CERT1: variants seen among roughly 807,000 people sequenced by gnomAD.
The protein encoded by CERT1 is ceramide transfer protein.
In CERT1, 31 loss-of-function variants were observed where a neutral mutation model predicts 87.9. That is an observed-to-expected ratio of 0.35 (90% CI 0.27 to 0.48). The LOEUF is 0.48. Ranked by LOEUF, CERT1 falls within the 20% of genes least tolerant of loss-of-function variation. The pLI, the probability that CERT1 is intolerant of heterozygous loss-of-function variation, is 0.99. For missense variants in CERT1, 487 were observed against 758.0 expected (o/e 0.64, Z 4.20); for synonymous variants, 289 against 250.9 (o/e 1.15, Z -1.44).
chr5:75,468,683 A>G (rs145879142), intron 2 of CERT1, among the ~76,000 whole-genome samples: 2 of 152,282 alleles, frequency 1.3e-5, no homozygotes, highest in Admixed American at 1.3e-4. Flanking sequence ...TGGTAACAAC[A>G]GATTCTAGTC....
At chr5:75,410,059 C>T (rs1404381981) in intron 8 of CERT1, among the ~76,000 whole-genome samples, 1 of 152,124 alleles carries the variant, frequency 6.6e-6, no homozygotes, top group Non-Finnish European at 1.5e-5. Context: ...CCTGCCTTGG[C>T]CTCTCAAAGT....
chr5:75,429,564 G>T (rs1052276185), intron 3 of CERT1, among the ~76,000 whole-genome samples: 1 of 152,026 alleles, frequency 6.6e-6, no homozygotes, highest in African/African-American at 2.4e-5. Context: ...TGTGCCTCTA[G>T]TCCCAGCTAC....
At chr5:75,506,579 A>G (rs1767659521) in intron 1 of CERT1, among the ~76,000 whole-genome samples, 1 of 152,212 alleles carries the variant, frequency 6.6e-6, no homozygotes, top group Non-Finnish European at 1.5e-5. Flanking sequence ...ACGGAAGTAT[A>G]AAGTCAATTA....
chr5:75,396,701 C>T (rs1473676510), intron 11 of CERT1, among the ~76,000 whole-genome samples: 2 of 148,586 alleles, frequency 1.3e-5, no homozygotes, highest in Non-Finnish European at 3.0e-5. Context: ...TGCACTCCAG[C>T]CTGGGCAACA....
At chr5:75,471,576 T>C (rs1043701484) in intron 2 of CERT1, among the ~76,000 whole-genome samples, 8 of 151,750 alleles carry the variant, frequency 5.3e-5, no homozygotes, top group African/African-American at 1.9e-4. Context: ...CTGGCCAACA[T>C]GGTGAAACCC....
intron 12 of CERT1, among the ~76,000 whole-genome samples, chr5:75,387,800 G>C (rs1761859919): frequency 6.6e-6 from 1 of 151,860 alleles, no homozygotes; most frequent in African/African-American, 2.4e-5. Flanking sequence ...TACTGTTGTA[G>C]ACAATTGTTA....
chr5:75,412,298 T>A (rs1212125802), intron 7 of CERT1, among the ~76,000 whole-genome samples: 12 of 152,218 alleles, frequency 7.9e-5, no homozygotes, highest in Admixed American at 7.9e-4. Context: ...AGTAATAATC[T>A]TGCTGAATTA....
intron 3 of CERT1, among the ~76,000 whole-genome samples, chr5:75,440,673 G>A (rs116366855): frequency 2.4e-4 from 36 of 152,130 alleles, no homozygotes; most frequent in African/African-American, 8.7e-4. Context: ...TAGTTCCTGT[G>A]TCTTAAGCAA....
At chr5:75,384,751 T>C in intron 13 of CERT1, 39 bp from the exon 14 acceptor site, 2 of 1,290,508 alleles carry the variant, frequency 1.5e-6, no homozygotes, top group Non-Finnish European at 2.2e-6. Flanking sequence ...TATTATCTTT[T>C]CCTAGAATGT....
intron 2 of CERT1, among the ~76,000 whole-genome samples, chr5:75,463,502 A>C (rs1449077762): frequency 6.6e-6 from 1 of 152,198 alleles, no homozygotes; most frequent in Non-Finnish European, 1.5e-5. Flanking sequence ...AAGGTGAATA[A>C]ATCCATGGCA....
At chr5:75,369,352 G>A (rs1457355992) in intron 17 of CERT1, 2 of 152,170 alleles carry the variant, frequency 1.3e-5, no homozygotes, top group Non-Finnish European at 2.9e-5. Flanking sequence ...CCATTGTTAA[G>A]GAACCATGTG....
At chr5:75,440,480 A>G (rs1226516321) in intron 3 of CERT1, among the ~76,000 whole-genome samples, 1 of 152,142 alleles carries the variant, frequency 6.6e-6, no homozygotes, top group Non-Finnish European at 1.5e-5. Context: ...ATCATAATTT[A>G]AAAACTAATA....
chr5:75,500,745 C>G, intron 2 of CERT1, among the ~76,000 whole-genome samples: 1 of 152,122 alleles, frequency 6.6e-6, no homozygotes, highest in Non-Finnish European at 1.5e-5. Context: ...AAAAGGCCTT[C>G]TTCTTGGATT....
intron 3 of CERT1, among the ~76,000 whole-genome samples, chr5:75,428,403 G>A (rs1287249903): frequency 1.3e-5 from 2 of 152,170 alleles, no homozygotes; most frequent in Non-Finnish European, 2.9e-5. Context: ...AGTTGGCCGG[G>A]TGCGGTGGCT....
At chr5:75,408,033 G>C (rs975977237) in intron 8 of CERT1, among the ~76,000 whole-genome samples, 1 of 151,996 alleles carries the variant, frequency 6.6e-6, no homozygotes, top group African/African-American at 2.4e-5. Flanking sequence ...CTGAAACTCT[G>C]TTCCCATTGA....
At chr5:75,436,022 C>T (rs892522359) in intron 3 of CERT1, among the ~76,000 whole-genome samples, 55 of 152,050 alleles carry the variant, frequency 3.6e-4, no homozygotes, top group Non-Finnish European at 7.4e-5. Context: ...GCGGCAGGTC[C>T]CTGTGTGAAA....
chr5:75,425,682 T>C (rs1763587016), intron 4 of CERT1, among the ~76,000 whole-genome samples, 183 bp from the exon 5 acceptor site: 2 of 152,248 alleles, frequency 1.3e-5, no homozygotes, highest in Middle Eastern at 3.2e-3. Context: ...ATCTATTGGC[T>C]TGATAGCGAT....
At chr5:75,437,478 A>T (rs1764143695) in intron 3 of CERT1, among the ~76,000 whole-genome samples, 1 of 152,198 alleles carries the variant, frequency 6.6e-6, no homozygotes, top group African/African-American at 2.4e-5. Context: ...AATGAAAAAG[A>T]AAACAGGCCA....
chr5:75,394,204 A>G (rs1451206269), intron 11 of CERT1, among the ~76,000 whole-genome samples: 1 of 152,106 alleles, frequency 6.6e-6, no homozygotes, highest in Non-Finnish European at 1.5e-5. Flanking sequence ...TCTAATGAAG[A>G]GTTTGGCAGT....
Sources: gnomAD v4.1 joint callset for allele counts (sites outside exome capture counted in the v4.1 genomes callset) on GRCh38, gnomAD v4.1.1 for gene constraint, MANE v1.5 for transcripts, NCBI Gene and HGNC (gene_info 2026-07-23, HGNC 2026-07-21) for gene names.